Variants in SH3BP4 observed in about 807,000 individuals in gnomAD.
SH3BP4 encodes the protein SH3 domain binding protein 4.
In SH3BP4, 33 loss-of-function variants were observed where a neutral mutation model predicts 65.5. The ratio of observed to expected loss-of-function variants is 0.50; its 90% CI spans 0.38 to 0.67. The LOEUF (loss-of-function observed/expected upper bound fraction) is 0.67, where lower values mean the gene tolerates loss of function less well. SH3BP4 is among the 30% of genes least tolerant of loss of function. SH3BP4 has a pLI of 0.00. For synonymous variants in SH3BP4, 552 were observed against 545.5 expected (o/e 1.01, Z -0.17); for missense variants, 1,134 against 1,261.4 (o/e 0.90, Z 1.53).
rs1203070830 is a variant in SH3BP4 at position 234,997,327 on chromosome 2, T to C, written c.-133+1951T>C. Among the ~76,000 whole-genome samples the C allele has an allele frequency of 1.3e-5, 2 of 152,008 alleles. No homozygotes were observed. Among genetic ancestry groups the C allele is most frequent in the African/African-American group, 2.4e-5 (1 of 41,354 alleles). ...CAGTGAGAGACACGGCTACCCAGGG[T>C]TTCCATTTCCAGGCCCCGAGTTTTG... On this transcript the variant is annotated intron_variant, in intron 2 of 5. Coordinates refer to ENST00000392011, the MANE Select transcript of SH3BP4 (RefSeq NM_014521.3). The surrounding 1 kb of genome is among the most constrained non-coding windows in gnomAD (Gnocchi z 4.2).
intron 1 of SH3BP4, among the ~76,000 whole-genome samples, chr2:234,992,226 A>G (rs921250400): frequency 6.6e-6 from 1 of 152,148 alleles, no homozygotes; most frequent in Non-Finnish European, 1.5e-5. Context: ...TCCAGCGAAG[A>G]TTTATTTTGT....
chr2:235,023,550 C>T lies in SH3BP4; in HGVS notation c.-132-11321C>T, dbSNP rs115201566. ...TGACACAGTGAGACTCCATCTCGGG[C>T]GGTGGGGTGGGGGGTGAGAAGAATG... On this transcript the variant is annotated intron_variant, in intron 2 of 5. Transcript: ENST00000392011. Among the ~76,000 whole-genome samples the T allele has an allele frequency of 4.1e-3, 623 of 151,442 alleles. 4 individuals carry two copies. The highest frequency in any genetic ancestry group is 0.014 in the African/African-American group (595 of 41,240).
chr2:235,034,724 T>C lies in SH3BP4; in HGVS notation c.-132-147T>C, dbSNP rs1695317073. On this transcript the variant is annotated intron_variant, in intron 2 of 5. Transcript: ENST00000392011. This position sits in a 1 kb window ranked among gnomAD's most constrained non-coding sequence, Gnocchi z 6.2. ...ACAGAGGCCAAGGAGCAAGCGCTGC[T>C]CTGCTCTGTTGGGCCAGGAAAGATG... 7 of 407,456 alleles carry C rather than the reference T, an allele frequency of 1.7e-5. No homozygotes were observed. Among genetic ancestry groups the C allele is most frequent in the Non-Finnish European group, 3.2e-5 (7 of 220,698 alleles). The allele number at this position is 407,456 out of a possible 1,614,324, so 25.2% of individuals were successfully genotyped here.
intron 4 of SH3BP4, among the ~76,000 whole-genome samples, chr2:235,047,861 T>G (rs1458367061): frequency 6.6e-6 from 1 of 152,110 alleles, no homozygotes; most frequent in Non-Finnish European, 1.5e-5. Flanking sequence ...TGTCGGGCTC[T>G]GTAGAGAAGT....
In SH3BP4 at chr2:235,042,668, A is replaced by G. The variant is rs747224152; in HGVS notation, c.1899A>G (p.Lys633=). ...TTCTCAAGAAGAACGAAGTCGGGAA[A>G]ATCATCCTGTCCCCGTTTGCCACCA... is the stretch of plus-strand genomic sequence containing the variant. ...RRFLKKNEVG[K]IILSPFATTT... The change falls in exon 4 of 6, where the codon AAA becomes AAG. Residue 633 remains lysine (K), a synonymous_variant. Transcript: ENST00000392011. This position sits in a 1 kb window ranked among gnomAD's most constrained non-coding sequence, Gnocchi z 7.3. The G allele has an allele frequency of 1.3e-5, 21 of 1,614,032 alleles. No individual in the cohort carries two copies. The East Asian group carries it at 4.7e-4, about 36-fold the overall frequency.
intron 1 of SH3BP4, among the ~76,000 whole-genome samples, chr2:234,966,078 G>A (rs949048460): frequency 4.6e-5 from 7 of 152,128 alleles, no homozygotes; most frequent in Admixed American, 3.3e-4. Context: ...AGTAAACTTC[G>A]GGAGAAAGAG....
intron 2 of SH3BP4, among the ~76,000 whole-genome samples, chr2:235,014,157 C>T (rs1408765418): frequency 1.3e-5 from 2 of 151,978 alleles, no homozygotes; most frequent in African/African-American, 2.4e-5. Flanking sequence ...ATAAATTGCA[C>T]GGTGGATATA....
intron 1 of SH3BP4, among the ~76,000 whole-genome samples, chr2:234,973,298 A>C (rs1238981831): frequency 6.6e-6 from 1 of 151,940 alleles, no homozygotes; most frequent in Non-Finnish European, 1.5e-5. Flanking sequence ...CGGGGAAATT[A>C]TTTTCAGTGC....
Position 234,967,651 on chromosome 2 carries a change from C to T in SH3BP4, c.-207+15481C>T, listed in dbSNP as rs1228650023. 6.6e-6 allele frequency among the ~76,000 whole-genome samples: 1 copy of T among 152,178 alleles called. No homozygotes were observed. The highest frequency in any genetic ancestry group is 1.9e-4 in the East Asian group (1 of 5,184). On this transcript the variant is annotated intron_variant, in intron 1 of 5. Transcript: ENST00000392011. The surrounding 1 kb of genome is among the most constrained non-coding windows in gnomAD (Gnocchi z 4.6). The stretch of plus-strand genomic sequence containing the variant: ...TCAGGTTACCTCCTTCCCGTGCCTC[C>T]CTGGCTCCCTGGGTTCTTGGTTCTT...
At chr2:235,031,567 G>A (rs773014087) in intron 2 of SH3BP4, among the ~76,000 whole-genome samples, 1 of 152,192 alleles carries the variant, frequency 6.6e-6, no homozygotes, top group Non-Finnish European at 1.5e-5. Flanking sequence ...TCACCACCGC[G>A]TTCCGCCAGC....
At chr2:234,987,593 C>G (rs191971554) in intron 1 of SH3BP4, among the ~76,000 whole-genome samples, 35 of 152,286 alleles carry the variant, frequency 2.3e-4, no homozygotes, top group South Asian at 1.0e-3. Flanking sequence ...ATGGTGTCCC[C>G]CCACTTATTC....
intron 1 of SH3BP4, among the ~76,000 whole-genome samples, chr2:234,973,653 A>AT (rs11325363): frequency 8.4e-4 from 122 of 145,402 alleles, no homozygotes; most frequent in East Asian, 1.4e-3. Flanking sequence ...TAAAGCCTGG[A>AT]TTTTTTTTTT....
In SH3BP4 at chr2:235,019,873, TAA is replaced by T. The variant is rs199714068; in HGVS notation, c.-132-14976_-132-14975del. Among the ~76,000 whole-genome samples, 357 of 112,580 alleles carry T rather than the reference TAA, an allele frequency of 3.2e-3. 2 individuals carry two copies. The highest frequency in any genetic ancestry group is 7.8e-3 in the African/African-American group (230 of 29,444). The allele number at this position is 112,580 out of a possible 152,430, so 73.9% of individuals were successfully genotyped here. A position where few individuals can be genotyped will look rare whatever the true frequency, so the allele number is the denominator to read the frequency against. ...TCCCAAACTATACTCTAAAGATTCT[TAA>T]AAAAAAAAAAAAAAAAAAAAATCTT... On this transcript the variant is annotated intron_variant, in intron 2 of 5. Transcript: ENST00000392011.
At chr2:234,958,424 TG>T (rs888327930) in intron 1 of SH3BP4, among the ~76,000 whole-genome samples, 6 of 151,792 alleles carry the variant, frequency 4.0e-5, no homozygotes, top group South Asian at 2.1e-4. Flanking sequence ...GTGCTCGCCC[TG>T]GGGGGGTGTC....
At position 235,035,906 on chromosome 2, in the gene SH3BP4, CATCATCATCAAT is replaced by C. The variant is rs879647868; in HGVS notation, c.118+796_118+807del. On this transcript the variant is annotated intron_variant, in intron 3 of 5. Coordinates refer to ENST00000392011, the MANE Select transcript of SH3BP4 (RefSeq NM_014521.3). The surrounding 1 kb of genome is among the most constrained non-coding windows in gnomAD (Gnocchi z 5.0). Reference sequence around the variant, plus strand: ...GGCTTGGCAGTTGCGGTGACAGCACCATCATCATCAATATCATCATCCCTTGGCTTTCTCTTA... The same window carrying C: ...GGCTTGGCAGTTGCGGTGACAGCACCATCATCATCCCTTGGCTTTCTCTTA... Among the ~76,000 whole-genome samples the C allele has an allele frequency of 8.5e-5, 13 of 152,224 alleles. No homozygotes were observed. The highest frequency in any genetic ancestry group is 1.9e-4 in the Non-Finnish European group (13 of 68,046).
In SH3BP4 at chr2:235,052,147, C is replaced by T. The variant is rs1485500884; in HGVS notation, c.2479-415C>T. 1.3e-5 allele frequency among the ~76,000 whole-genome samples: 2 copies of T among 151,964 alleles called. No homozygotes were observed. The highest frequency in any genetic ancestry group is 1.9e-4 in the East Asian group (1 of 5,134). On this transcript the variant is annotated intron_variant, in intron 4 of 5. Transcript: ENST00000392011. The surrounding 1 kb of genome is among the most constrained non-coding windows in gnomAD (Gnocchi z 5.0). ...CTCCTTCTTTTCCTTGGCTTGTTGC[C>T]GCATCTGTCCCGTCTCTGCCTCCGT... is the stretch of plus-strand genomic sequence containing the variant.
intron 4 of SH3BP4, among the ~76,000 whole-genome samples, chr2:235,044,886 G>GC (rs1266890046): frequency 6.6e-6 from 1 of 152,208 alleles, no homozygotes; most frequent in African/African-American, 2.4e-5. Context: ...CCACGAGATT[G>GC]CCCAGGGGAG....
chr2:234,966,564 A>G (rs952570487), intron 1 of SH3BP4, among the ~76,000 whole-genome samples: 1 of 152,246 alleles, frequency 6.6e-6, no homozygotes, highest in Non-Finnish European at 1.5e-5. Context: ...GAACATAGCA[A>G]GTATCTGAAA....
intron 4 of SH3BP4, among the ~76,000 whole-genome samples, chr2:235,050,583 T>A (rs1696015894): frequency 6.6e-6 from 1 of 152,090 alleles, no homozygotes; most frequent in Admixed American, 6.5e-5. Flanking sequence ...ATTGAGATGC[T>A]GGGGGCCCAC....
Sources: allele counts gnomAD v4.1 joint callset (sites outside exome capture counted in the v4.1 genomes callset), GRCh38; gene constraint gnomAD v4.1.1; non-coding constraint Gnocchi (gnomAD v3.1); transcripts MANE v1.5; gene names NCBI Gene and HGNC (gene_info 2026-07-23, HGNC 2026-07-21).